SULT6B1: variants seen among roughly 807,000 people sequenced by gnomAD.
The protein encoded by SULT6B1 is sulfotransferase family 6B member 1.
In SULT6B1, 44 loss-of-function variants were observed where a neutral mutation model predicts 37.2. That is an observed-to-expected ratio of 1.18 (90% CI 0.93 to 1.52). The LOEUF (loss-of-function observed/expected upper bound fraction) is 1.52. SULT6B1 is among the 40% of genes most tolerant of loss of function. The pLI, the probability that SULT6B1 is intolerant of heterozygous loss-of-function variation, is 0.00. For synonymous variants in SULT6B1, 140 were observed against 126.0 expected, an observed-to-expected ratio of 1.11 and a Z score of -0.74; for missense variants, 450 against 361.0, an observed-to-expected ratio of 1.25 and a Z score of -2.00.
chr2:37,188,430 C>A lies in SULT6B1; in HGVS notation c.199+12G>T. 6.2e-7 allele frequency: 1 copy of A among 1,610,090 alleles called. No homozygotes were observed. The highest frequency in any genetic ancestry group is 1.1e-5 in the South Asian group (1 of 90,742). ...TGAGAAGTGTACTTGTAGGAAACGA[C>A]TTGTCATTTACCGCACTTTGGATAA... On this transcript the variant is annotated intron_variant, in intron 1 of 6. Transcript: ENST00000535679.
chr2:37,181,875 G>A (rs1157964313), intron 3 of SULT6B1, among the ~76,000 whole-genome samples: 1 of 152,162 alleles, frequency 6.6e-6, no homozygotes, highest in East Asian at 1.9e-4. Context: ...ACACATTCGC[G>A]ATATAAGGAA....
At chr2:37,184,941 G>A (rs1359225604) in intron 2 of SULT6B1, among the ~76,000 whole-genome samples, 2 of 152,180 alleles carry the variant, frequency 1.3e-5, no homozygotes, top group Non-Finnish European at 1.5e-5. Flanking sequence ...GATCCAAGCG[G>A]TGACTAGCAG....
intron 2 of SULT6B1, among the ~76,000 whole-genome samples, chr2:37,184,651 G>A (rs1676631150): frequency 6.6e-6 from 1 of 152,042 alleles, no homozygotes; most frequent in Non-Finnish European, 1.5e-5. Flanking sequence ...CCCAATATGG[G>A]GAAACCCCAT....
In SULT6B1 at chr2:37,168,148, C is replaced by A. The variant is rs547798790; in HGVS notation, c.782-83G>T. 1.6e-5 allele frequency: 22 copies of A among 1,339,942 alleles called. No individual in the cohort carries two copies. The African/African-American group carries it at 2.6e-4, about 16-fold the overall frequency. The allele number at this position is 1,339,942 out of a possible 1,614,324, so 83.0% of individuals were successfully genotyped here. A position where few individuals can be genotyped will look rare whatever the true frequency, so the allele number is the denominator to read the frequency against. ...TTACCATTTTCAGTGCAATATTTCA[C>A]TCTGATATGTTAAAATGGACACATG... is the stretch of plus-strand genomic sequence containing the variant. On this transcript the variant is annotated intron_variant, in intron 6 of 6. Transcript: ENST00000535679.
chr2:37,168,794 T>C (rs1191512594), intron 6 of SULT6B1, among the ~76,000 whole-genome samples: 2 of 152,240 alleles, frequency 1.3e-5, no homozygotes, highest in Non-Finnish European at 1.5e-5. Context: ...TTTTTCTTAC[T>C]GGCTGTTACC....
chr2:37,174,408 G>C (rs977901801), intron 5 of SULT6B1, among the ~76,000 whole-genome samples: 3 of 151,432 alleles, frequency 2.0e-5, no homozygotes, highest in Non-Finnish European at 4.4e-5. Flanking sequence ...AATGTGCCCA[G>C]GGTGGTCTCG....
chr2:37,186,569 C>T (rs79861079), intron 2 of SULT6B1, among the ~76,000 whole-genome samples: 3,533 of 152,174 alleles, frequency 0.023, 65 homozygotes, highest in Middle Eastern at 0.054. Flanking sequence ...CTTACACACA[C>T]GTGAATCATA....
chr2:37,179,634 T>C, intron 3 of SULT6B1, 50 bp from the exon 4 acceptor site: 1 of 1,563,384 alleles, frequency 6.4e-7, no homozygotes, highest in Non-Finnish European at 8.7e-7. Context: ...TTTTGAAATT[T>C]GGAAAATTAA....
intron 4 of SULT6B1, among the ~76,000 whole-genome samples, chr2:37,177,397 G>A (rs1180447707): frequency 9.1e-6 from 1 of 109,472 alleles, no homozygotes; most frequent in Non-Finnish European, 1.7e-5. Flanking sequence ...AGGTGACAGA[G>A]TGAAATCTTG....
intron 3 of SULT6B1, among the ~76,000 whole-genome samples, chr2:37,182,744 G>T (rs1199227386): frequency 2.0e-5 from 3 of 152,098 alleles, no homozygotes. Flanking sequence ...AACAGAAAGG[G>T]TTGGGTAAAA....
upstream of SULT6B1, chr2:37,191,021 G>A (rs1432013997): frequency 6.6e-6 from 1 of 151,940 alleles, no homozygotes; most frequent in Non-Finnish European, 1.5e-5. Context: ...GGGGTAAGAG[G>A]GGAGGGAAAG....
rs867862986 is a variant in SULT6B1 at position 37,175,136 on chromosome 2, T to A, written c.620A>T (p.Lys207Ile). The change falls in exon 5 of 7, where the codon AAA (lysine) becomes ATA (isoleucine). Residue 207 changes from lysine (K) to isoleucine (I), a missense_variant. Coordinates refer to ENST00000535679, the MANE Select transcript of SULT6B1 (RefSeq NM_001367551.1). ...AAATATCAATAATAATCTCACCTCT[T>A]TCAGGTCTTCATATAATATGAACTT... ...NVKFILYEDLKENLAAGIKQI... is the reference protein window; with the variant it reads ...NVKFILYEDLIENLAAGIKQI... 2 of 1,542,266 alleles carry A rather than the reference T, an allele frequency of 1.3e-6. No homozygotes were observed. Among genetic ancestry groups the A allele is most frequent in the East Asian group, 4.7e-5 (2 of 42,706 alleles).
At chr2:37,194,619 T>C in intron 1 of SULT6B1, 1 of 348,834 alleles carries the variant, frequency 2.9e-6, no homozygotes, top group South Asian at 2.4e-5. Context: ...CTGAGGGACA[T>C]GCTTCTTGAA....
At chr2:37,190,278 C>T (rs1676755840), upstream of SULT6B1, among the ~76,000 whole-genome samples, 1 of 152,190 alleles carries the variant, frequency 6.6e-6, no homozygotes, top group East Asian at 1.9e-4. Context: ...CCACATCTTT[C>T]TTCTTATGCT....
At chr2:37,170,606 T>G (rs1268912659) in intron 6 of SULT6B1, among the ~76,000 whole-genome samples, 1 of 151,068 alleles carries the variant, frequency 6.6e-6, no homozygotes, top group South Asian at 2.1e-4. Context: ...CTGTCTCTAT[T>G]AAAAATACAA....
chr2:37,171,684 A>G, intron 5 of SULT6B1, 94 bp from the exon 6 acceptor site: 1 of 1,194,498 alleles, frequency 8.4e-7, no homozygotes. Context: ...TATTCAGCCT[A>G]ACTCCCTAGT....
intron 3 of SULT6B1, among the ~76,000 whole-genome samples, chr2:37,183,002 T>C (rs550395170): frequency 2.0e-5 from 3 of 152,148 alleles, no homozygotes; most frequent in East Asian, 1.9e-4. Context: ...CTGGGCAACA[T>C]AGTGAGATGC....
chr2:37,169,807 T>C (rs1186100924), intron 6 of SULT6B1, among the ~76,000 whole-genome samples: 1 of 149,426 alleles, frequency 6.7e-6, no homozygotes, highest in African/African-American at 2.6e-5. Context: ...AACTTCAGTG[T>C]TTTTTACAAT....
chr2:37,178,993 C>A (rs986645074), intron 4 of SULT6B1, among the ~76,000 whole-genome samples: 1 of 152,082 alleles, frequency 6.6e-6, no homozygotes, highest in African/African-American at 2.4e-5. Context: ...GACAGAGTCT[C>A]GCTTTGCCAA....
Sources: allele counts gnomAD v4.1 joint callset (sites outside exome capture counted in the v4.1 genomes callset), GRCh38; gene constraint gnomAD v4.1.1; transcripts MANE v1.5; gene names NCBI Gene and HGNC (gene_info 2026-07-23, HGNC 2026-07-21).